The following NXN variants were observed in gnomAD, a reference collection of about 807,000 sequenced individuals.
NXN encodes the protein nucleoredoxin.
Under a neutral mutation model 48.6 loss-of-function variants are expected in NXN, and 16 were observed. The observed-to-expected ratio is 0.33, with a 90% CI of 0.22 to 0.50. NXN has a LOEUF of 0.50. Among genes scored for constraint, NXN ranks in the 20% least tolerant of loss-of-function variants. NXN has a pLI of 0.98. For missense variants in NXN, 492 were observed against 605.5 expected, an observed-to-expected ratio of 0.81 and a Z score of 1.97; for synonymous variants, 281 against 269.6, an observed-to-expected ratio of 1.04 and a Z score of -0.41.
chr17:800,869 G>C lies in NXN; in HGVS notation c.*80C>G. On this transcript the variant is annotated 3_prime_UTR_variant, in exon 8 of 8. Transcript: ENST00000336868. ...GGTGGTGGGATTCGGGGCACGCTGG[G>C]TAAGTCCAAGGGCGGAAGGAAGGAG... The C allele has an allele frequency of 9.6e-7, 1 of 1,042,434 alleles. No homozygotes were observed. The highest frequency in any genetic ancestry group is 1.3e-6 in the Non-Finnish European group (1 of 778,350). 64.6% of individuals were successfully genotyped at this position (1,042,434 alleles called of 1,614,324 possible).
intron 1 of NXN, among the ~76,000 whole-genome samples, chr17:829,586 G>A (rs2144666216): frequency 6.6e-6 from 1 of 151,764 alleles, no homozygotes; most frequent in South Asian, 2.1e-4. Flanking sequence ...AGCCCCGCAT[G>A]CATTAGGTAT....
chr17:823,887 G>T, intron 2 of NXN, 122 bp from the exon 3 acceptor site: 1 of 901,262 alleles, frequency 1.1e-6, no homozygotes, highest in Non-Finnish European at 1.7e-6. Flanking sequence ...CCTCAGAGCG[G>T]CAGGCGTGAC....
chr17:965,792 G>A (rs1005927644), intron 1 of NXN, among the ~76,000 whole-genome samples: 13 of 152,242 alleles, frequency 8.5e-5, no homozygotes, highest in African/African-American at 3.1e-4. Flanking sequence ...TGTAGTCCCA[G>A]CTACTCGGGA....
At chr17:822,305 G>T in intron 4 of NXN, 52 bp downstream of exon 4, 1 of 1,266,908 alleles carries the variant, frequency 7.9e-7, no homozygotes, top group Non-Finnish European at 1.1e-6. Flanking sequence ...GAAAAAAAAT[G>T]GATGTCAGCT....
intron 1 of NXN, among the ~76,000 whole-genome samples, chr17:864,419 G>A (rs1044751566): frequency 6.6e-6 from 1 of 152,222 alleles, no homozygotes; most frequent in Non-Finnish European, 1.5e-5. Context: ...TGTCCCATGG[G>A]ACAAGACACC....
intron 1 of NXN, among the ~76,000 whole-genome samples, chr17:952,641 C>G (rs2586288): frequency 0.034 from 235 of 6,816 alleles, 5 homozygotes; most frequent in Middle Eastern, 0.083. Context: ...TGGGGTCAGA[C>G]AGACCAAGGT....
At chr17:951,591 T>A (rs2069111671) in intron 1 of NXN, among the ~76,000 whole-genome samples, 1 of 149,134 alleles carries the variant, frequency 6.7e-6, no homozygotes, top group African/African-American at 2.5e-5. Flanking sequence ...GGCGGGAGGG[T>A]CTGTCAGCTG....
intron 7 of NXN, among the ~76,000 whole-genome samples, chr17:802,163 C>G (rs1911245939): frequency 6.6e-6 from 1 of 152,108 alleles, no homozygotes; most frequent in Admixed American, 6.6e-5. Context: ...TTTCTGTTGC[C>G]CCAGCTGGAG....
chr17:945,490 G>C (rs1372154665), intron 1 of NXN, among the ~76,000 whole-genome samples: 2 of 151,574 alleles, frequency 1.3e-5, no homozygotes, highest in Admixed American at 6.6e-5. Context: ...AATTAGCCGG[G>C]CGTGGTGGCG....
intron 1 of NXN, among the ~76,000 whole-genome samples, chr17:846,413 CAAAA>C (rs757262418): frequency 6.4e-5 from 4 of 62,696 alleles, no homozygotes; most frequent in African/African-American, 2.1e-4. Flanking sequence ...GAAATTGTCT[CAAAA>C]AAAAAAAAAA....
chr17:811,876 C>T (rs1912033641), intron 5 of NXN, among the ~76,000 whole-genome samples: 1 of 151,680 alleles, frequency 6.6e-6, no homozygotes, highest in South Asian at 2.1e-4. Flanking sequence ...CTCAAAACCC[C>T]AAGATGCTTA....
chr17:916,590 TG>T (rs1313551668), intron 1 of NXN, among the ~76,000 whole-genome samples: 1 of 152,210 alleles, frequency 6.6e-6, no homozygotes, highest in Non-Finnish European at 1.5e-5. Flanking sequence ...TTTAAGTGTT[TG>T]GGGATCCCAG....
At chr17:813,289 C>T (rs1020264749) in intron 5 of NXN, among the ~76,000 whole-genome samples, 1 of 152,230 alleles carries the variant, frequency 6.6e-6, no homozygotes, top group Non-Finnish European at 1.5e-5. Flanking sequence ...AGGGATGGTG[C>T]AGTCTAGGGA....
chr17:896,854 A>AGCGGGGGGGG, intron 1 of NXN: 4 of 908,596 alleles, frequency 4.4e-6, no homozygotes, highest in Non-Finnish European at 6.0e-6. Flanking sequence ...CGCGGTCCTG[A>AGCGGGGGGGG]CCACCCGCCC....
chr17:886,575 G>C (rs567107985), intron 1 of NXN, among the ~76,000 whole-genome samples: 1 of 152,048 alleles, frequency 6.6e-6, no homozygotes, highest in African/African-American at 2.4e-5. Flanking sequence ...TCAGGAGTTC[G>C]AGATCAGCCT....
chr17:833,912 C>G (rs1913637978), intron 1 of NXN, among the ~76,000 whole-genome samples: 1 of 152,222 alleles, frequency 6.6e-6, no homozygotes, highest in Non-Finnish European at 1.5e-5. Context: ...AAATCTCACT[C>G]TCCCCGCTCT....
rs552827060 is a variant in NXN at position 895,685 on chromosome 17, G to A, written c.361-69607C>T. On this transcript the variant is annotated intron_variant, in intron 1 of 7. Coordinates refer to ENST00000336868, the MANE Select transcript of NXN (RefSeq NM_022463.5). ...AAAAAAAAATTAGCCAGGCGTGGTG[G>A]TGGGCACCTGTAGTCCCAGCTACTC... Among the ~76,000 whole-genome samples, 58 of 151,240 alleles carry A rather than the reference G, an allele frequency of 3.8e-4. No homozygotes were observed. The East Asian group carries it at 9.1e-3, about 24-fold the overall frequency.
intron 1 of NXN, among the ~76,000 whole-genome samples, chr17:896,149 G>C (rs554683044): frequency 3.9e-5 from 6 of 152,016 alleles, no homozygotes; most frequent in Non-Finnish European, 7.4e-5. Flanking sequence ...AGACCAGCCT[G>C]ACAACATGGA....
Position 822,353 on chromosome 17 carries a change from T to C in NXN, c.713+4A>G. The C allele has an allele frequency of 6.2e-7, 1 of 1,609,650 alleles. No individual in the cohort carries two copies. The highest frequency in any genetic ancestry group is 2.2e-5 in the East Asian group (1 of 44,792). On this transcript the variant is annotated splice_donor_region_variant and intron_variant, in intron 4 of 7. Coordinates refer to ENST00000336868, the MANE Select transcript of NXN (RefSeq NM_022463.5). ...GGGGCCCAGCACTTCACGGCACGAC[T>C]GACCTGTCTGCACTAACGAAGATGA...
Sources: allele counts gnomAD v4.1 joint callset (sites outside exome capture counted in the v4.1 genomes callset), GRCh38; gene constraint gnomAD v4.1.1; transcripts MANE v1.5; gene names NCBI Gene and HGNC (gene_info 2026-07-23, HGNC 2026-07-21).